Variants in CLIC6 observed in about 807,000 individuals in gnomAD.
CLIC6 encodes CLIC family member 6, also known as chloride intracellular channel protein 6.
In CLIC6, 39 loss-of-function variants were observed where a neutral mutation model predicts 49.2. The ratio of observed to expected loss-of-function variants is 0.79; its 90% CI spans 0.61 to 1.04. The LOEUF (loss-of-function observed/expected upper bound fraction) is 1.04, where lower values mean the gene tolerates loss of function less well. Among genes scored for constraint, CLIC6 ranks in the 50% least tolerant of loss-of-function variants. The pLI, the probability that CLIC6 is intolerant of heterozygous loss-of-function variation, is 0.00. For synonymous variants in CLIC6, 446 were observed against 433.4 expected (o/e 1.03, Z -0.36); for missense variants, 988 against 993.1 (o/e 0.99, Z 0.07).
chr21:34,685,904 A>G (rs749037736), intron 1 of CLIC6, among the ~76,000 whole-genome samples: 59 of 152,302 alleles, frequency 3.9e-4, no homozygotes, highest in Non-Finnish European at 4.6e-4. Flanking sequence ...TTTAGACACT[A>G]CTAAGGTTTT....
intron 1 of CLIC6, among the ~76,000 whole-genome samples, chr21:34,674,061 C>T (rs1055339769): frequency 9.2e-5 from 14 of 152,194 alleles, no homozygotes; most frequent in African/African-American, 2.9e-4. Context: ...GCTGAGCAAA[C>T]ACATTTTAAA....
intron 1 of CLIC6, among the ~76,000 whole-genome samples, chr21:34,677,260 T>G (rs577389850): frequency 6.6e-6 from 1 of 152,366 alleles, no homozygotes; most frequent in East Asian, 1.9e-4. Flanking sequence ...TGCTCTTGCA[T>G]GGGGGACCAT....
At chr21:34,710,176 G>A (rs1262572429) in intron 5 of CLIC6, among the ~76,000 whole-genome samples, 1 of 152,186 alleles carries the variant, frequency 6.6e-6, no homozygotes, top group African/African-American at 2.4e-5. Context: ...CACATGGGAG[G>A]CTGAAGCTGG....
At chr21:34,695,522 C>T (rs1328333528) in intron 1 of CLIC6, among the ~76,000 whole-genome samples, 1 of 152,242 alleles carries the variant, frequency 6.6e-6, no homozygotes, top group African/African-American at 2.4e-5. Context: ...AGCTTGTTCT[C>T]TCACATTCTG....
rs916018439 is a variant in CLIC6 at position 34,670,334 on chromosome 21, G to C, written c.946G>C (p.Gly316Arg). 3.4e-6 allele frequency: 5 copies of C among 1,451,296 alleles called. No individual in the cohort carries two copies. In the South Asian group the frequency reaches 5.8e-5, roughly 17 times the overall value. The allele number at this position is 1,451,296 out of a possible 1,614,324, so 89.9% of individuals were successfully genotyped here. A position where few individuals can be genotyped will look rare whatever the true frequency, so the allele number is the denominator to read the frequency against. Residue 316 changes from glycine (G) to arginine (R), a missense_variant, in exon 1 of 6, where the codon GGG becomes CGG. Physicochemically the swap from Gly to Arg is moderately radical, Grantham distance 125 (BLOSUM62 -2). Around this residue, in one of 3 missense-constraint regions of CLIC6, gnomAD observed 647 missense variants for 596.9 expected, o/e 1.08. Transcript: ENST00000349499. ...GGCCGAGGCAATTGAGGTCGCAGCCGGGGAGAGTGCGGGGCGCAGCCCCGG... is the reference window on the plus strand; with the variant it reads ...GGCCGAGGCAATTGAGGTCGCAGCCCGGGAGAGTGCGGGGCGCAGCCCCGG... The part of the protein sequence containing the change: ...PQAEAIEVAA[G>R]ESAGRSPGEL...
chr21:34,705,778 C>G (rs1483419230), intron 1 of CLIC6, among the ~76,000 whole-genome samples: 1 of 151,872 alleles, frequency 6.6e-6, no homozygotes, highest in Non-Finnish European at 1.5e-5. Flanking sequence ...ATGGATCATC[C>G]AATTGGGGGT....
At position 34,696,630 on chromosome 21, in the gene CLIC6, C is replaced by G. The variant is rs936869118; in HGVS notation, c.1375-10650C>G. ...GTACCTACACCTGATAGGGTTGTTG[C>G]TAGGATTAAATCTGAGTTGATACAA... On this transcript the variant is annotated intron_variant, in intron 1 of 5. Transcript: ENST00000349499. 3.9e-5 allele frequency among the ~76,000 whole-genome samples: 6 copies of G among 152,288 alleles called. No homozygotes were observed. In the South Asian group the frequency reaches 1.2e-3, roughly 32 times the overall value.
chr21:34,669,612 G>A lies in CLIC6; in HGVS notation c.224G>A (p.Gly75Asp). The change falls in exon 1 of 6, where the codon GGC (glycine) becomes GAC (aspartate). Residue 75 changes from glycine (G) to aspartate (D), a missense_variant. By Grantham distance (94) the Gly-to-Asp change is moderately conservative. Coordinates refer to ENST00000349499, the MANE Select transcript of CLIC6 (RefSeq NM_053277.3). The stretch of plus-strand genomic sequence containing the variant: ...AGGGGCCCGGAGGCCGAGGCGCGGG[G>A]CACGAGGGGGGCGCACGGCGAGACT... ...PDRGPEAEAR[G>D]TRGAHGETEA... The A allele has an allele frequency of 7.0e-6, 9 of 1,277,442 alleles. No homozygotes were observed. Among genetic ancestry groups the A allele is most frequent in the South Asian group, 2.8e-5 (1 of 36,126 alleles). 79.1% of individuals were successfully genotyped at this position (1,277,442 alleles called of 1,614,324 possible).
At chr21:34,689,067 A>AAG (rs1227565224) in intron 1 of CLIC6, among the ~76,000 whole-genome samples, 1 of 152,170 alleles carries the variant, frequency 6.6e-6, no homozygotes, top group Non-Finnish European at 1.5e-5. Context: ...TCGCAGTTCA[A>AAG]AGAGAGAGCA....
At chr21:34,703,669 C>T (rs1477619189) in intron 1 of CLIC6, among the ~76,000 whole-genome samples, 1 of 151,904 alleles carries the variant, frequency 6.6e-6, no homozygotes, top group Non-Finnish European at 1.5e-5. Flanking sequence ...TTAGAGAGGG[C>T]GTGTGGTGAG....
chr21:34,682,062 A>G (rs1011796839), intron 1 of CLIC6, among the ~76,000 whole-genome samples: 1 of 152,060 alleles, frequency 6.6e-6, no homozygotes, highest in Non-Finnish European at 1.5e-5. Flanking sequence ...CTCTATAATC[A>G]TTTTCTTGTA....
intron 1 of CLIC6, among the ~76,000 whole-genome samples, chr21:34,674,820 C>T (rs1490131853): frequency 2.6e-5 from 4 of 152,116 alleles, no homozygotes. Flanking sequence ...CACACAACAA[C>T]ATAATAACAA....
chr21:34,690,986 C>T (rs747404164), intron 1 of CLIC6, among the ~76,000 whole-genome samples: 7 of 151,838 alleles, frequency 4.6e-5, no homozygotes, highest in Non-Finnish European at 1.0e-4. Flanking sequence ...TGGTCTTGGG[C>T]CACGGCCTTC....
intron 4 of CLIC6, 79 bp downstream of exon 4, chr21:34,708,885 T>G: frequency 1.0e-6 from 1 of 994,422 alleles, no homozygotes; most frequent in South Asian, 1.4e-5. Flanking sequence ...TCCTGGGGTA[T>G]TCCCATCTAT....
chr21:34,686,481 G>A (rs1466085217), intron 1 of CLIC6, among the ~76,000 whole-genome samples: 1 of 152,166 alleles, frequency 6.6e-6, no homozygotes, highest in African/African-American at 2.4e-5. Context: ...ATAGTGTGGT[G>A]GATTAAAGAT....
At chr21:34,671,926 A>T (rs1989574717) in intron 1 of CLIC6, among the ~76,000 whole-genome samples, 1 of 152,150 alleles carries the variant, frequency 6.6e-6, no homozygotes, top group African/African-American at 2.4e-5. Flanking sequence ...AGACCCTGGG[A>T]CATAACCTCA....
At chr21:34,692,147 T>C (rs1202927290) in intron 1 of CLIC6, among the ~76,000 whole-genome samples, 2 of 152,120 alleles carry the variant, frequency 1.3e-5, no homozygotes, top group Non-Finnish European at 2.9e-5. Context: ...CATTTAGCTT[T>C]GCCACTTCTT....
chr21:34,675,394 G>A (rs1601258999), intron 1 of CLIC6, among the ~76,000 whole-genome samples: 1 of 152,164 alleles, frequency 6.6e-6, no homozygotes, highest in East Asian at 1.9e-4. Context: ...GAGAGAGCAT[G>A]TTGGGACTTG....
chr21:34,681,277 C>T (rs552657376), intron 1 of CLIC6, among the ~76,000 whole-genome samples: 13 of 152,346 alleles, frequency 8.5e-5, no homozygotes, highest in African/African-American at 3.1e-4. Flanking sequence ...AACTCACTCA[C>T]TATCACAAGA....
Sources: gnomAD v4.1 joint callset for allele counts (sites outside exome capture counted in the v4.1 genomes callset) on GRCh38, gnomAD v4.1.1 for gene constraint, gnomAD v4.1.1 regional missense constraint, MANE v1.5 for transcripts, NCBI Gene and HGNC (gene_info 2026-07-23, HGNC 2026-07-21) for gene names.